NRXN1: variants seen among roughly 807,000 people sequenced by gnomAD.
NRXN1 encodes the protein neurexin 1.
Under a neutral mutation model 150.9 loss-of-function variants are expected in NRXN1, and 39 were observed. The ratio of observed to expected loss-of-function variants is 0.26; its 90% CI spans 0.20 to 0.34. The LOEUF (loss-of-function observed/expected upper bound fraction) is 0.34. NRXN1 is among the 10% of genes least tolerant of loss of function. The probability of loss-of-function intolerance (pLI) is 1.00; values close to 1 mark genes in which losing one functional copy is unlikely to be tolerated. For synonymous variants in NRXN1, 924 were observed against 757.0 expected (o/e 1.22, Z -3.62); for missense variants, 1,815 against 1,949.9 (o/e 0.93, Z 1.30).
intron 13 of NRXN1, among the ~76,000 whole-genome samples, chr2:50,504,466 C>T (rs1366060503): frequency 6.6e-6 from 1 of 152,086 alleles, no homozygotes; most frequent in African/African-American, 2.4e-5. Flanking sequence ...TCAAGACAAA[C>T]TGGCTTAAAT....
At chr2:50,712,888 A>C (rs1019837062) in intron 5 of NRXN1, among the ~76,000 whole-genome samples, 4 of 152,216 alleles carry the variant, frequency 2.6e-5, no homozygotes, top group African/African-American at 9.6e-5. Flanking sequence ...GTGTAATTGC[A>C]GAAAAACTGC....
intron 21 of NRXN1, chr2:49,970,745 A>G (rs1258432462): frequency 6.6e-6 from 1 of 152,152 alleles, no homozygotes; most frequent in African/African-American, 2.4e-5. Context: ...TAGTGTCATT[A>G]TACTATCTTG....
At chr2:49,924,148 T>C (rs1381850971) in intron 22 of NRXN1, among the ~76,000 whole-genome samples, 3 of 152,184 alleles carry the variant, frequency 2.0e-5, no homozygotes, top group Admixed American at 2.0e-4. Context: ...AAAACTTTCA[T>C]TTTACAGAGC....
At chr2:50,265,992 A>AT (rs1232869148) in intron 17 of NRXN1, among the ~76,000 whole-genome samples, 10 of 88,774 alleles carry the variant, frequency 1.1e-4, no homozygotes, top group Middle Eastern at 6.3e-3. Context: ...TATTATTATT[A>AT]TTATTATTTA....
At chr2:50,951,965 T>A (rs868185591) in intron 2 of NRXN1, among the ~76,000 whole-genome samples, 347 of 69,226 alleles carry the variant, frequency 5.0e-3, no homozygotes, top group African/African-American at 7.8e-3. Flanking sequence ...ATATATATAT[T>A]TTTTTTTTTT....
intron 2 of NRXN1, among the ~76,000 whole-genome samples, chr2:50,996,633 G>T (rs770288423): frequency 3.9e-5 from 6 of 151,944 alleles, no homozygotes; most frequent in Non-Finnish European, 8.8e-5. Context: ...GGATTCTAGA[G>T]CTACAAGACG....
intron 5 of NRXN1, among the ~76,000 whole-genome samples, chr2:50,769,491 G>A (rs1702756825): frequency 6.6e-6 from 1 of 152,046 alleles, no homozygotes; most frequent in Non-Finnish European, 1.5e-5. Flanking sequence ...GGTTAGAGGA[G>A]GTTTAAAAGA....
chr2:50,266,438 A>G (rs1348556058), intron 17 of NRXN1, among the ~76,000 whole-genome samples: 8 of 147,846 alleles, frequency 5.4e-5, no homozygotes, highest in Admixed American at 4.7e-4. Context: ...TATATGCATT[A>G]TATTTTATTA....
chr2:50,162,255 T>A (rs1219438007), intron 18 of NRXN1, among the ~76,000 whole-genome samples: 1 of 152,118 alleles, frequency 6.6e-6, no homozygotes, highest in Non-Finnish European at 1.5e-5. Flanking sequence ...AAAAACATCA[T>A]TACTGGCACT....
chr2:50,021,967 C>G (rs1271908376), intron 21 of NRXN1, among the ~76,000 whole-genome samples: 2 of 152,246 alleles, frequency 1.3e-5, no homozygotes, highest in African/African-American at 4.8e-5. Context: ...TCTCCTGTCT[C>G]AGACTCCCGA....
At chr2:50,666,893 G>C (rs1282745754) in intron 5 of NRXN1, among the ~76,000 whole-genome samples, 1 of 151,530 alleles carries the variant, frequency 6.6e-6, no homozygotes, top group Non-Finnish European at 1.5e-5. Flanking sequence ...GTGTGTGTGT[G>C]TGTGTGTGTG....
intron 18 of NRXN1, among the ~76,000 whole-genome samples, chr2:50,187,073 T>A (rs1409959599): frequency 2.0e-5 from 3 of 151,992 alleles, no homozygotes; most frequent in African/African-American, 7.2e-5. Flanking sequence ...GTTAATAACA[T>A]CATAAAGTCA....
chr2:50,292,695 G>C (rs572613066), intron 17 of NRXN1, among the ~76,000 whole-genome samples: 20 of 152,270 alleles, frequency 1.3e-4, no homozygotes, highest in South Asian at 6.2e-4. Flanking sequence ...AATAGAACTT[G>C]TTCTCTTCAA....
At chr2:50,439,867 G>T (rs771322353) in intron 17 of NRXN1, among the ~76,000 whole-genome samples, 19 of 151,850 alleles carry the variant, frequency 1.3e-4, no homozygotes, top group Middle Eastern at 3.4e-3. Flanking sequence ...TATGTGCTAG[G>T]CCTTTTCCAT....
rs763236237 is a variant in NRXN1 at position 51,027,757 on chromosome 2, A to G, written c.517T>C (p.Ser173Pro). 6.2e-7 allele frequency: 1 copy of G among 1,612,222 alleles called. No homozygotes were observed. Among genetic ancestry groups the G allele is most frequent in the African/African-American group, 1.3e-5 (1 of 74,974 alleles). ...TTGAAGGGCTCCCGCTCCCTCACCG[A>G]GGCCAGGGTGAGCTTGAGCGCCGCG... ...RAAALKLTLA[S>P]VREREPFKGW... The change falls in exon 2 of 23, where the codon TCG (serine) becomes CCG (proline). Residue 173 changes from serine to proline, a missense_variant. By Grantham distance (74) the Ser-to-Pro change is moderately conservative. This residue lies in a region of NRXN1 where 554 missense variants were observed against 478.8 expected (regional missense o/e 1.16). Transcript: ENST00000401669.
chr2:50,769,510 C>T (rs1320770339), intron 5 of NRXN1, among the ~76,000 whole-genome samples: 3 of 151,926 alleles, frequency 2.0e-5, no homozygotes, highest in East Asian at 1.9e-4. Context: ...GAGATGGGAG[C>T]GAGAAATCAC....
rs184975606 is a variant in NRXN1 at position 51,020,250 on chromosome 2, T to A, written c.772+7252A>T. 2.6e-4 allele frequency among the ~76,000 whole-genome samples: 39 copies of A among 151,858 alleles called. No homozygotes were observed. In the East Asian group the frequency reaches 6.4e-3, roughly 25 times the overall value. On this transcript the variant is annotated intron_variant, in intron 2 of 22. Transcript: ENST00000401669. ...CCTCTATCATCATAGATTAGTTGTATCTGTTTTAAACTTCATATAAACAGA... is the reference window on the plus strand; with the variant it reads ...CCTCTATCATCATAGATTAGTTGTAACTGTTTTAAACTTCATATAAACAGA...
At chr2:50,552,545 G>A (rs1487371573) in intron 9 of NRXN1, 42 bp downstream of exon 9, 9 of 1,460,854 alleles carry the variant, frequency 6.2e-6, no homozygotes, top group African/African-American at 1.4e-5. Context: ...GGTGGGTGGG[G>A]TGCTCCAGCA....
At chr2:50,313,141 T>C (rs2075315646) in intron 17 of NRXN1, among the ~76,000 whole-genome samples, 1 of 152,114 alleles carries the variant, frequency 6.6e-6, no homozygotes, top group Admixed American at 6.6e-5. Flanking sequence ...CGACTTTGAA[T>C]AGAGCTCCAA....
Sources: gnomAD v4.1 joint callset for allele counts (sites outside exome capture counted in the v4.1 genomes callset) on GRCh38, gnomAD v4.1.1 for gene constraint, gnomAD v4.1.1 regional missense constraint, MANE v1.5 for transcripts, NCBI Gene and HGNC (gene_info 2026-07-23, HGNC 2026-07-21) for gene names.